Variants in SLC67A2 observed in about 807,000 individuals in gnomAD.
SLC67A2 encodes the protein solute carrier family 67 member A2.
chr2:102,735,745 C>T, the SLC67A2 span, among the ~76,000 whole-genome samples: 1 of 152,112 alleles, frequency 6.6e-6, no homozygotes, highest in African/African-American at 2.4e-5. Context: ...GCAGCACCTG[C>T]CACATGGCAG....
At chr2:102,715,829 A>G in the SLC67A2 span, 1 of 152,216 alleles carries the variant, frequency 6.6e-6, no homozygotes, top group Non-Finnish European at 1.5e-5. Context: ...TAAAAAATGA[A>G]ACACCACAAA....
At chr2:102,722,673 T>C in the SLC67A2 span, among the ~76,000 whole-genome samples, 1 of 152,026 alleles carries the variant, frequency 6.6e-6, no homozygotes, top group African/African-American at 2.4e-5. Flanking sequence ...ACATAAGACC[T>C]GAAACTGTAA....
chr2:102,720,012 A>T, the SLC67A2 span, among the ~76,000 whole-genome samples: 1 of 152,212 alleles, frequency 6.6e-6, no homozygotes, highest in Non-Finnish European at 1.5e-5. Context: ...TCCTCATAGG[A>T]CTAGCACATT....
the SLC67A2 span, chr2:102,718,645 C>A: frequency 2.5e-6 from 4 of 1,613,682 alleles, no homozygotes; most frequent in Non-Finnish European, 3.4e-6. Context: ...CGCCCACAGT[C>A]AGCTGGAGGT....
chr2:102,718,397 T>C, the SLC67A2 span: 4 of 1,609,248 alleles, frequency 2.5e-6, no homozygotes, highest in African/African-American at 5.4e-5. Context: ...CAAATTTTGT[T>C]GCTTTATGTT....
At chr2:102,734,060 G>A in the SLC67A2 span, among the ~76,000 whole-genome samples, 1 of 152,090 alleles carries the variant, frequency 6.6e-6, no homozygotes, top group African/African-American at 2.4e-5. Flanking sequence ...CTTCAAAATC[G>A]CTGCATTTGG....
At chr2:102,715,634 CAG>C in the SLC67A2 span, among the ~76,000 whole-genome samples, 2 of 152,000 alleles carry the variant, frequency 1.3e-5, no homozygotes, top group East Asian at 1.9e-4. Flanking sequence ...TTATGGCTGG[CAG>C]AGTGTTGGAA....
the SLC67A2 span, among the ~76,000 whole-genome samples, chr2:102,731,704 C>A: frequency 6.6e-6 from 1 of 152,202 alleles, no homozygotes; most frequent in Non-Finnish European, 1.5e-5. Flanking sequence ...AGACTGTCCA[C>A]AAACACTTGC....
the SLC67A2 span, chr2:102,736,454 A>C: frequency 1.4e-6 from 2 of 1,419,458 alleles, no homozygotes; most frequent in South Asian, 3.0e-5. Context: ...GAGGGGCAAT[A>C]AAGCAGTGTG....
the SLC67A2 span, chr2:102,736,461 T>C: frequency 1.4e-6 from 2 of 1,436,244 alleles, no homozygotes; most frequent in Non-Finnish European, 1.8e-6. Flanking sequence ...AATAAAGCAG[T>C]GTGGCCAGAT....
the SLC67A2 span, chr2:102,723,555 AG>A: frequency 0.95 from 679,390 of 718,078 alleles, 321,720 homozygotes; most frequent in East Asian, 1. Flanking sequence ...GGAAAACACT[AG>A]GGGGGGTTCC....
At chr2:102,716,439 G>C in the SLC67A2 span, 1 of 152,070 alleles carries the variant, frequency 6.6e-6, no homozygotes, top group Non-Finnish European at 1.5e-5. Context: ...TGCTCCTTAA[G>C]GGCAAGGCCA....
At chr2:102,733,220 A>G in the SLC67A2 span, among the ~76,000 whole-genome samples, 5 of 152,280 alleles carry the variant, frequency 3.3e-5, no homozygotes, top group East Asian at 9.7e-4. Flanking sequence ...TTTTGTTCTT[A>G]TTCTCACTAG....
chr2:102,732,131 T>C, the SLC67A2 span: 1 of 695,424 alleles, frequency 1.4e-6, no homozygotes, highest in Non-Finnish European at 2.7e-6. Flanking sequence ...TCTTTGAACA[T>C]ACGTCGTCTA....
the SLC67A2 span, among the ~76,000 whole-genome samples, chr2:102,719,809 C>G: frequency 2.0e-5 from 3 of 152,214 alleles, no homozygotes; most frequent in Admixed American, 2.0e-4. Context: ...CCTGCCTTGG[C>G]TTGACCGATG....
chr2:102,736,207 G>A, the SLC67A2 span, among the ~76,000 whole-genome samples: 1 of 152,110 alleles, frequency 6.6e-6, no homozygotes, highest in African/African-American at 2.4e-5. Context: ...CTGTCCAAGC[G>A]GGGTCAAGAG....
chr2:102,731,126 A>T, the SLC67A2 span: 1 of 1,439,654 alleles, frequency 6.9e-7, no homozygotes, highest in Non-Finnish European at 9.8e-7. Flanking sequence ...AAAATGGATT[A>T]ATGTGATAAC....
chr2:102,724,861 T>C, the SLC67A2 span, among the ~76,000 whole-genome samples: 2 of 152,242 alleles, frequency 1.3e-5, no homozygotes, highest in Admixed American at 1.3e-4. Flanking sequence ...GCCAGCCTTT[T>C]TGGAAAGCAA....
chr2:102,720,598 T>G, the SLC67A2 span, among the ~76,000 whole-genome samples: 17 of 152,170 alleles, frequency 1.1e-4, no homozygotes, highest in African/African-American at 4.1e-4. Context: ...GCTGCTTGTA[T>G]GCAGAACCTC....
Sources: allele counts gnomAD v4.1 joint callset (sites outside exome capture counted in the v4.1 genomes callset), GRCh38; gene constraint gnomAD v4.1.1; transcripts MANE v1.5; gene names NCBI Gene and HGNC (gene_info 2026-07-23, HGNC 2026-07-21).